Variants in GABRG3 observed in about 807,000 individuals in gnomAD.
GABRG3 encodes gamma-aminobutyric acid receptor subunit gamma-3.
Under a neutral mutation model 48.8 loss-of-function variants are expected in GABRG3, and 25 were observed. That is an observed-to-expected ratio of 0.51 (90% confidence interval 0.37 to 0.72). GABRG3 has a LOEUF of 0.72. Ranked by LOEUF, GABRG3 falls within the 30% of genes least tolerant of loss-of-function variation. The probability of loss-of-function intolerance (pLI) is 0.00; values close to 1 mark genes in which losing one functional copy is unlikely to be tolerated. For missense variants in GABRG3, 394 were observed against 577.9 expected (o/e 0.68, Z 3.26); for synonymous variants, 227 against 217.6 (o/e 1.04, Z -0.38).
rs1380332651 is a variant in GABRG3 at position 27,026,788 on chromosome 15, T to G, written c.237T>G (p.Val79=). Reference sequence around the variant, plus strand: ...CCGTAATTGACGTTGACATTTATGTTAACAGCATTGGTCCTGTGTCATCAA... The same window carrying G: ...CCGTAATTGACGTTGACATTTATGTGAACAGCATTGGTCCTGTGTCATCAA... ...KPTVIDVDIY[V]NSIGPVSSIN... The change falls in exon 3 of 10, where the codon GTT becomes GTG. Residue 79 remains valine, a synonymous_variant. Coordinates refer to ENST00000615808, the MANE Select transcript of GABRG3 (RefSeq NM_033223.5). The G allele has an allele frequency of 1.2e-6, 2 of 1,612,052 alleles. No homozygotes were observed. The highest frequency in any genetic ancestry group is 2.7e-5 in the African/African-American group (2 of 74,994).
intron 5 of GABRG3, among the ~76,000 whole-genome samples, chr15:27,477,999 C>T (rs567278795): frequency 3.7e-4 from 56 of 150,662 alleles, no homozygotes; most frequent in Admixed American, 2.1e-3. Flanking sequence ...GAGCTGAGAT[C>T]GCACCACTGC....
At position 27,540,556 on chromosome 15, in the gene GABRG3, ATAAC is replaced by A. The variant is rs1891642155; in HGVS notation, c.*7678_*7681del. 1 of 152,174 alleles carries A rather than the reference ATAAC, an allele frequency of 6.6e-6. No homozygotes were observed. The highest frequency in any genetic ancestry group is 2.4e-5 in the African/African-American group (1 of 41,576). The allele number at this position is 152,174 out of a possible 1,614,324, so 9.4% of individuals were successfully genotyped here. Reference sequence around the variant, plus strand: ...TACTATTATATGATCTCTGTTTAGAATAACTATTTTATTAAAACAGTCTAAAAGA... The same window carrying A: ...TACTATTATATGATCTCTGTTTAGAATATTTTATTAAAACAGTCTAAAAGA... On this transcript the variant is annotated 3_prime_UTR_variant, in exon 10 of 10. Coordinates refer to ENST00000615808, the MANE Select transcript of GABRG3 (RefSeq NM_033223.5).
chr15:27,181,438 TG>T (rs1210505557), intron 3 of GABRG3, among the ~76,000 whole-genome samples: 5 of 152,168 alleles, frequency 3.3e-5, no homozygotes, highest in African/African-American at 1.2e-4. Context: ...ATGCTGCAGA[TG>T]GGGAAGGCTG....
chr15:27,307,562 TATATTTATATATAA>T (rs1892661510), intron 3 of GABRG3, among the ~76,000 whole-genome samples: 1 of 77,764 alleles, frequency 1.3e-5, no homozygotes, highest in East Asian at 3.4e-4. Context: ...TATAGGTTTA[TATATTTATATATAA>T]ACAGGTTTAT....
intron 3 of GABRG3, among the ~76,000 whole-genome samples, chr15:27,143,357 G>C (rs1413409280): frequency 6.6e-6 from 1 of 152,194 alleles, no homozygotes; most frequent in African/African-American, 2.4e-5. Flanking sequence ...TGGGATAACA[G>C]GTGTGAGCTA....
At chr15:27,448,478 G>T (rs1889009378) in intron 5 of GABRG3, among the ~76,000 whole-genome samples, 1 of 152,212 alleles carries the variant, frequency 6.6e-6, no homozygotes, top group Non-Finnish European at 1.5e-5. Flanking sequence ...TGAAAAAATA[G>T]AATATGAGCA....
intron 3 of GABRG3, among the ~76,000 whole-genome samples, chr15:27,081,297 A>C (rs1190205173): frequency 1.3e-5 from 2 of 152,072 alleles, no homozygotes; most frequent in Non-Finnish European, 2.9e-5. Flanking sequence ...TTTAATTCTC[A>C]TGTTTTGCTG....
intron 3 of GABRG3, among the ~76,000 whole-genome samples, chr15:27,046,415 T>C (rs569414657): frequency 6.6e-5 from 10 of 152,330 alleles, no homozygotes; most frequent in African/African-American, 2.2e-4. Context: ...CTTATATACT[T>C]CTTAAAGTTG....
intron 3 of GABRG3, among the ~76,000 whole-genome samples, chr15:27,231,435 G>A (rs1018932102): frequency 1.3e-5 from 2 of 152,240 alleles, no homozygotes; most frequent in East Asian, 1.9e-4. Context: ...TGATAAAAGT[G>A]TTGTGAGCGG....
chr15:27,320,975 AC>A (rs1320949582), intron 3 of GABRG3, among the ~76,000 whole-genome samples: 1 of 152,032 alleles, frequency 6.6e-6, no homozygotes, highest in African/African-American at 2.4e-5. Context: ...ACAGGGCGTC[AC>A]CCCCTGCTAT....
intron 5 of GABRG3, among the ~76,000 whole-genome samples, chr15:27,334,264 A>G (rs1893891671): frequency 6.6e-6 from 1 of 152,206 alleles, no homozygotes; most frequent in African/African-American, 2.4e-5. Flanking sequence ...TTTTTTCTAA[A>G]GAGAGGTATC....
At chr15:27,283,325 C>T (rs7170940) in intron 3 of GABRG3, among the ~76,000 whole-genome samples, 18,629 of 152,104 alleles carry the variant, frequency 0.12, 2,896 homozygotes, top group African/African-American at 0.36. Flanking sequence ...CTATCTTGGC[C>T]GGGCACGGTG....
Position 27,313,204 on chromosome 15 carries a change from ATATATG to A in GABRG3, c.271-13593_271-13588del, listed in dbSNP as rs1338558465. ...CATATATATATATATGTGTATATAT[ATATATG>A]TATATGTATATATATACGTATATGT... On this transcript the variant is annotated intron_variant, in intron 3 of 9. Transcript: ENST00000615808. Among the ~76,000 whole-genome samples, 190 of 141,754 alleles carry A rather than the reference ATATATG, an allele frequency of 1.3e-3. 3 individuals carry two copies. Among genetic ancestry groups the A allele is most frequent in the African/African-American group, 4.2e-3 (165 of 38,978 alleles). The allele number at this position is 141,754 out of a possible 152,430, so 93.0% of individuals were successfully genotyped here.
At chr15:27,251,759 AG>A (rs1352311338) in intron 3 of GABRG3, among the ~76,000 whole-genome samples, 6 of 152,154 alleles carry the variant, frequency 3.9e-5, no homozygotes, top group African/African-American at 9.6e-5. Context: ...TTGGTTCTGT[AG>A]GGGGAAATGC....
Position 27,051,627 on chromosome 15 carries a change from A to G in GABRG3, c.270+24806A>G, listed in dbSNP as rs1896457067. Among the ~76,000 whole-genome samples the G allele has an allele frequency of 1.3e-5, 2 of 152,216 alleles. 1 individual carries two copies. The highest frequency in any genetic ancestry group is 4.1e-4 in the South Asian group (2 of 4,828). On this transcript the variant is annotated intron_variant, in intron 3 of 9. Transcript: ENST00000615808. The stretch of plus-strand genomic sequence containing the variant: ...GCAGGAAGATACCATCTAAGACAGT[A>G]GTCCCCAACCTTTTTGGCACCAGGG...
chr15:27,112,134 T>C (rs1897561325), intron 3 of GABRG3, among the ~76,000 whole-genome samples: 1 of 152,116 alleles, frequency 6.6e-6, no homozygotes, highest in Non-Finnish European at 1.5e-5. Context: ...CAGCAAGTCA[T>C]CATTTCAATT....
intron 3 of GABRG3, among the ~76,000 whole-genome samples, chr15:27,030,763 C>T (rs973697119): frequency 4.6e-5 from 7 of 152,094 alleles, no homozygotes; most frequent in Admixed American, 2.0e-4. Context: ...TATTGACCTT[C>T]CTGCTTGTTT....
intron 3 of GABRG3, among the ~76,000 whole-genome samples, chr15:27,144,665 A>G (rs1260391503): frequency 6.6e-6 from 1 of 152,218 alleles, no homozygotes; most frequent in African/African-American, 2.4e-5. Flanking sequence ...CATATATGGC[A>G]TATGTGCAGG....
chr15:27,535,972 C>G lies in GABRG3; in HGVS notation c.*3091C>G, dbSNP rs994827446. 6.6e-6 allele frequency: 1 copy of G among 152,246 alleles called. No individual in the cohort carries two copies. The highest frequency in any genetic ancestry group is 6.5e-5 in the Admixed American group (1 of 15,284). 9.4% of individuals were successfully genotyped at this position (152,246 alleles called of 1,614,324 possible). A position where few individuals can be genotyped will look rare whatever the true frequency, so the allele number is the denominator to read the frequency against. On this transcript the variant is annotated 3_prime_UTR_variant, in exon 10 of 10. Transcript: ENST00000615808. The stretch of plus-strand genomic sequence containing the variant: ...GCTAAGCCCCAGCTTGCTTTGCATG[C>G]AGAATTGGGAAATATTTGGGGTGGA...
Sources: allele counts gnomAD v4.1 joint callset (sites outside exome capture counted in the v4.1 genomes callset), GRCh38; gene constraint gnomAD v4.1.1; transcripts MANE v1.5; gene names NCBI Gene and HGNC (gene_info 2026-07-23, HGNC 2026-07-21).